PCDHGB2: variants seen among roughly 807,000 people sequenced by gnomAD.
The protein encoded by PCDHGB2 is protocadherin gamma subfamily B, 2, also known as protocadherin gamma-B2.
Under a neutral mutation model 59.3 loss-of-function variants are expected in PCDHGB2, and 55 were observed. The ratio of observed to expected loss-of-function variants is 0.93; its 90% CI spans 0.75 to 1.16. PCDHGB2 has a LOEUF of 1.16. PCDHGB2 is among the 50% of genes most tolerant of loss of function. PCDHGB2 has a pLI of 0.00. For synonymous variants in PCDHGB2, 516 were observed against 512.0 expected (o/e 1.01, Z -0.11); for missense variants, 1,228 against 1,198.5 (o/e 1.02, Z -0.36).
At position 141,431,376 on chromosome 5, in the gene PCDHGB2, C is replaced by T. The variant is rs558222633; in HGVS notation, c.2422-63431C>T. The T allele has an allele frequency of 1.2e-6, 2 of 1,613,436 alleles. No homozygotes were observed. Among genetic ancestry groups the T allele is most frequent in the African/African-American group, 2.7e-5 (2 of 75,070 alleles). On this transcript the variant is annotated intron_variant, in intron 1 of 3. Coordinates refer to ENST00000522605, the MANE Select transcript of PCDHGB2 (RefSeq NM_018923.3). The surrounding 1 kb of genome is among the most constrained non-coding windows in gnomAD (Gnocchi z 4.8). Reference sequence around the variant, plus strand: ...CGCGCCCTGGACCGCGAAGAAAAGGCTGCTCACCACCTGGTCCTTACGGCC... The same window carrying T: ...CGCGCCCTGGACCGCGAAGAAAAGGTTGCTCACCACCTGGTCCTTACGGCC...
At chr5:141,449,631 G>C in intron 1 of PCDHGB2, among the ~76,000 whole-genome samples, 1 of 148,476 alleles carries the variant, frequency 6.7e-6, no homozygotes, top group Middle Eastern at 3.6e-3. Flanking sequence ...TTAAAAAGAT[G>C]TATCTATATA....
Position 141,360,898 on chromosome 5 carries a change from G to A in PCDHGB2, c.763G>A (p.Val255Met), listed in dbSNP as rs1252117170. ...GTACAGGGTCACCCTGAGGGAGGAC[G>A]TGCCGCCGGGCTTCTTTGTGCTTCA... is the stretch of plus-strand genomic sequence containing the variant. Reference protein sequence around the residue: ...DVYRVTLREDVPPGFFVLQVT... With the variant: ...DVYRVTLREDMPPGFFVLQVT... The change falls in exon 1 of 4, where the codon GTG becomes ATG. Residue 255 changes from valine (V) to methionine (M), a missense_variant. Transcript: ENST00000522605. The A allele has an allele frequency of 6.2e-7, 1 of 1,614,040 alleles. No homozygotes were observed. The highest frequency in any genetic ancestry group is 8.5e-7 in the Non-Finnish European group (1 of 1,179,902).
rs766746841 is a variant in PCDHGB2 at position 141,374,327 on chromosome 5, G to A, written c.2421+11771G>A. 1.2e-5 allele frequency: 20 copies of A among 1,613,866 alleles called. No individual in the cohort carries two copies. In the East Asian group the frequency reaches 4.0e-4, roughly 32 times the overall value. ...GCTTTTCTCTCTGAATCCGCGAAAC[G>A]GCAGCTTGGTCACCGCGGGTAGGAT... is the stretch of plus-strand genomic sequence containing the variant. On this transcript the variant is annotated intron_variant, in intron 1 of 3. Coordinates refer to ENST00000522605, the MANE Select transcript of PCDHGB2 (RefSeq NM_018923.3).
chr5:141,381,991 G>A (rs1019937357), intron 1 of PCDHGB2, among the ~76,000 whole-genome samples: 3 of 151,726 alleles, frequency 2.0e-5, no homozygotes, highest in East Asian at 3.9e-4. Context: ...CACCACGCCC[G>A]GATAATTTTG....
intron 1 of PCDHGB2, chr5:141,398,470 A>G: frequency 6.2e-7 from 1 of 1,604,828 alleles, no homozygotes; most frequent in Non-Finnish European, 8.5e-7. Flanking sequence ...AAATCCACTG[A>G]ACTTTTATCA....
At chr5:141,478,574 C>T (rs2099465133) in intron 1 of PCDHGB2, 1 of 1,586,288 alleles carries the variant, frequency 6.3e-7, no homozygotes, top group Non-Finnish European at 8.6e-7. Flanking sequence ...ATGCTTGACC[C>T]TGTTAGTGCT....
intron 1 of PCDHGB2, among the ~76,000 whole-genome samples, chr5:141,444,150 GGATTT>G (rs2098419598): frequency 1.8e-5 from 2 of 114,012 alleles, no homozygotes; most frequent in Non-Finnish European, 3.5e-5. Flanking sequence ...TGTGTGTACT[GGATTT>G]TTTTTTTTTT....
intron 1 of PCDHGB2, among the ~76,000 whole-genome samples, chr5:141,386,802 A>T (rs1262742441): frequency 6.6e-6 from 1 of 152,248 alleles, no homozygotes; most frequent in East Asian, 1.9e-4. Context: ...AAAATTTATT[A>T]GATGCATAAA....
In PCDHGB2 at chr5:141,404,391, A is replaced by T. The variant is rs773558298; in HGVS notation, c.2421+41835A>T. On this transcript the variant is annotated intron_variant, in intron 1 of 3. Transcript: ENST00000522605. ...TTCTCCGTGATTGCCTATGACCCTG[A>T]TAGCAATGAGAATTCTAGAGTTATT... 3.7e-6 allele frequency: 6 copies of T among 1,613,806 alleles called. No homozygotes were observed. Among genetic ancestry groups the T allele is most frequent in the Non-Finnish European group, 5.1e-6 (6 of 1,179,894 alleles).
intron 1 of PCDHGB2, chr5:141,371,077 T>G (rs1169560992): frequency 8.1e-6 from 13 of 1,613,784 alleles, no homozygotes; most frequent in Admixed American, 1.7e-5. Context: ...ACCACCCAGA[T>G]CAGGGTAATT....
At position 141,361,662 on chromosome 5, in the gene PCDHGB2, G is replaced by T; in HGVS notation, c.1527G>T (p.Ala509=). 6.2e-7 allele frequency: 1 copy of T among 1,613,714 alleles called. No individual in the cohort carries two copies. Among genetic ancestry groups the T allele is most frequent in the South Asian group, 1.1e-5 (1 of 91,090 alleles). ...REILSYVSVS[A]QSGVVFAQRA... The stretch of plus-strand genomic sequence containing the variant: ...TTTTATCCTACGTGTCCGTGAGCGC[G>T]CAGAGCGGGGTGGTGTTCGCGCAGC... The change falls in exon 1 of 4, where the codon GCG becomes GCT. Residue 509 remains alanine (A), a synonymous_variant. Transcript: ENST00000522605.
chr5:141,473,699 C>T (rs560096812), intron 1 of PCDHGB2, among the ~76,000 whole-genome samples: 2 of 152,244 alleles, frequency 1.3e-5, no homozygotes, highest in South Asian at 2.1e-4. Flanking sequence ...TGACCACCCT[C>T]CAAGTGGTGC....
intron 1 of PCDHGB2, chr5:141,370,780 A>T (rs1185164104): frequency 6.2e-7 from 1 of 1,613,990 alleles, no homozygotes; most frequent in Non-Finnish European, 8.5e-7. Context: ...ATTAACGACA[A>T]CCCACCGACC....
chr5:141,489,077 C>G lies in PCDHGB2; in HGVS notation c.2422-5730C>G, dbSNP rs957205894. On this transcript the variant is annotated intron_variant, in intron 1 of 3. Coordinates refer to ENST00000522605, the MANE Select transcript of PCDHGB2 (RefSeq NM_018923.3). The surrounding 1 kb of genome is among the most constrained non-coding windows in gnomAD (Gnocchi z 4.5). The stretch of plus-strand genomic sequence containing the variant: ...AGCTCCCCTCCCCCCTGCCCACCCC[C>G]GCCACTCGGTGACTAAGAACTGCTG... 7 of 325,684 alleles carry G rather than the reference C, an allele frequency of 2.1e-5. No homozygotes were observed. Among genetic ancestry groups the G allele is most frequent in the Non-Finnish European group, 3.9e-5 (7 of 181,468 alleles). The allele number at this position is 325,684 out of a possible 1,614,324, so 20.2% of individuals were successfully genotyped here.
chr5:141,371,349 G>T, intron 1 of PCDHGB2: 1 of 1,614,002 alleles, frequency 6.2e-7, no homozygotes, highest in Non-Finnish European at 8.5e-7. Flanking sequence ...CACAATTGGG[G>T]TGGAAGCAAA....
intron 1 of PCDHGB2, among the ~76,000 whole-genome samples, chr5:141,450,685 C>T (rs542985781): frequency 6.6e-6 from 1 of 152,020 alleles, no homozygotes; most frequent in South Asian, 2.1e-4. Context: ...CGGGGTTTTG[C>T]CATGTTGCCC....
At chr5:141,404,238 C>T (rs764561008) in intron 1 of PCDHGB2, 3 of 1,613,712 alleles carry the variant, frequency 1.9e-6, no homozygotes, top group Non-Finnish European at 2.5e-6. Context: ...GACAGAGGAA[C>T]TCCGCCCCTG....
At chr5:141,433,343 G>A (rs1591274674) in intron 1 of PCDHGB2, 1 of 630,308 alleles carries the variant, frequency 1.6e-6, no homozygotes, top group Admixed American at 3.0e-5. Flanking sequence ...ACAGGTGCAA[G>A]CCACCTACTG....
intron 1 of PCDHGB2, chr5:141,383,896 G>A: frequency 6.2e-7 from 1 of 1,613,960 alleles, no homozygotes; most frequent in Non-Finnish European, 8.5e-7. Flanking sequence ...AAAGGCAAAA[G>A]TACTGATCAC....
Sources: gnomAD v4.1 joint callset for allele counts (sites outside exome capture counted in the v4.1 genomes callset) on GRCh38, gnomAD v4.1.1 for gene constraint, Gnocchi (gnomAD v3.1) non-coding constraint, MANE v1.5 for transcripts, NCBI Gene and HGNC (gene_info 2026-07-23, HGNC 2026-07-21) for gene names.